The following ZNF804B variants were observed in gnomAD, a reference collection of about 807,000 sequenced individuals.
ZNF804B encodes zinc finger 804B.
ZNF804B carries 80 observed loss-of-function variants against 101.4 expected under a neutral mutation model. The ratio of observed to expected loss-of-function variants is 0.79; its 90% CI spans 0.66 to 0.95. ZNF804B has a LOEUF of 0.95. Among genes scored for constraint, ZNF804B ranks in the 40% least tolerant of loss-of-function variants. The probability of loss-of-function intolerance (pLI) is 0.00; values close to 1 mark genes in which losing one functional copy is unlikely to be tolerated. For missense variants in ZNF804B, 1,673 were observed against 1,561.9 expected (o/e 1.07, Z -1.20); for synonymous variants, 622 against 558.8 (o/e 1.11, Z -1.59).
intron 2 of ZNF804B, among the ~76,000 whole-genome samples, chr7:89,289,598 T>C (rs1790255764): frequency 6.6e-6 from 1 of 152,086 alleles, no homozygotes; most frequent in South Asian, 2.1e-4. Flanking sequence ...AGTGCTGCCC[T>C]GTCATAGCAA....
chr7:88,833,831 G>C (rs1163147009), intron 1 of ZNF804B, among the ~76,000 whole-genome samples: 1 of 151,726 alleles, frequency 6.6e-6, no homozygotes. Context: ...ATCAAGGCTA[G>C]GTCCAAATTT....
chr7:88,988,797 G>A (rs953408338), intron 1 of ZNF804B, among the ~76,000 whole-genome samples: 3 of 152,056 alleles, frequency 2.0e-5, no homozygotes, highest in African/African-American at 7.2e-5. Context: ...TAAGACTAAA[G>A]GAAACTTGGA....
At chr7:89,331,610 A>C (rs1790983678) in intron 3 of ZNF804B, among the ~76,000 whole-genome samples, 1 of 151,718 alleles carries the variant, frequency 6.6e-6, no homozygotes, top group South Asian at 2.1e-4. Flanking sequence ...CATGAAGAGG[A>C]GACGTTCTAA....
At chr7:88,992,922 G>T (rs1447757835) in intron 1 of ZNF804B, among the ~76,000 whole-genome samples, 1 of 151,708 alleles carries the variant, frequency 6.6e-6, no homozygotes, top group Admixed American at 6.6e-5. Flanking sequence ...TTATTCTAGT[G>T]ATAAAATTGA....
At chr7:89,051,956 A>G (rs575717950) in intron 1 of ZNF804B, among the ~76,000 whole-genome samples, 110 of 152,214 alleles carry the variant, frequency 7.2e-4, no homozygotes, top group Non-Finnish European at 1.4e-3. Flanking sequence ...CTATTAATAT[A>G]TACACATTTT....
intron 1 of ZNF804B, among the ~76,000 whole-genome samples, chr7:88,887,528 A>G (rs931598803): frequency 3.3e-5 from 5 of 152,122 alleles, no homozygotes; most frequent in Non-Finnish European, 5.9e-5. Context: ...TTGAACAGGG[A>G]GTCTTTTCCC....
intron 1 of ZNF804B, among the ~76,000 whole-genome samples, chr7:88,952,584 A>G (rs745912584): frequency 1.3e-5 from 2 of 151,926 alleles, no homozygotes; most frequent in Admixed American, 6.6e-5. Context: ...AATGCAGGTT[A>G]CAGAAGGGGA....
chr7:88,984,621 G>A (rs1437143329), intron 1 of ZNF804B, among the ~76,000 whole-genome samples: 2 of 152,026 alleles, frequency 1.3e-5, no homozygotes, highest in Non-Finnish European at 2.9e-5. Flanking sequence ...ATAGTGCAGT[G>A]CAATAGGGAG....
chr7:89,150,865 A>G (rs898161495), intron 1 of ZNF804B, among the ~76,000 whole-genome samples: 1 of 152,054 alleles, frequency 6.6e-6, no homozygotes, highest in African/African-American at 2.4e-5. Context: ...TGGTATACAG[A>G]TATTGTGAGG....
intron 1 of ZNF804B, among the ~76,000 whole-genome samples, chr7:88,910,536 A>C (rs903230711): frequency 2.6e-5 from 4 of 152,066 alleles, no homozygotes; most frequent in African/African-American, 9.6e-5. Flanking sequence ...ATGAAAAATT[A>C]ATTCTCTAGA....
rs546837871 is a variant in ZNF804B, at chr7:88,991,325, G to A, written c.109-226830G>A. On this transcript the variant is annotated intron_variant, in intron 1 of 3. Coordinates refer to ENST00000333190, the MANE Select transcript of ZNF804B (RefSeq NM_181646.5). The stretch of plus-strand genomic sequence containing the variant: ...CATTATGAAGGTACAAGCCTGCAAT[G>A]TGAACATAGCCCGTCAGGTTGTGGT... Among the ~76,000 whole-genome samples, 27 of 152,272 alleles carry A rather than the reference G, an allele frequency of 1.8e-4. No individual in the cohort carries two copies. In the South Asian group the frequency reaches 5.4e-3, roughly 30 times the overall value.
rs73395206 is a variant in ZNF804B, at chr7:89,141,729, T to C, written c.109-76426T>C. 5.9e-3 allele frequency among the ~76,000 whole-genome samples: 891 copies of C among 152,098 alleles called. 9 individuals are homozygous for C. Among genetic ancestry groups the C allele is most frequent in the African/African-American group, 0.02 (837 of 41,548 alleles). On this transcript the variant is annotated intron_variant, in intron 1 of 3. Transcript: ENST00000333190. Reference sequence around the variant, plus strand: ...CCACATCTTGCCAACACTCATCTTCTGTTTTTCTCTTTTTAAGTAAAGAAT... The same window carrying C: ...CCACATCTTGCCAACACTCATCTTCCGTTTTTCTCTTTTTAAGTAAAGAAT...
intron 1 of ZNF804B, among the ~76,000 whole-genome samples, chr7:88,843,578 A>C (rs530299808): frequency 3.3e-5 from 5 of 152,222 alleles, no homozygotes; most frequent in African/African-American, 1.2e-4. Context: ...TCTACTAAAA[A>C]TACAAAAAAT....
At chr7:88,773,026 G>C (rs1437352284) in intron 1 of ZNF804B, among the ~76,000 whole-genome samples, 1 of 152,190 alleles carries the variant, frequency 6.6e-6, no homozygotes, top group Non-Finnish European at 1.5e-5. Context: ...GGAAGCAGCT[G>C]CTGTTTCTAA....
chr7:89,336,223 A>G lies in ZNF804B; in HGVS notation c.3241A>G (p.Lys1081Glu), dbSNP rs1203605539. The change falls in exon 4 of 4, where the codon AAA (lysine) becomes GAA (glutamate). Residue 1081 changes from lysine to glutamate, a missense_variant. By Grantham distance (56) the Lys-to-Glu change is moderately conservative. Transcript: ENST00000333190. ...NEFPGAFPSN[K>E]YTGVTDSTET... ...ATTCCCTGGTGCTTTTCCGTCTAAT[A>G]AATATACTGGTGTGACTGATTCAAC... 6.2e-7 allele frequency: 1 copy of G among 1,613,754 alleles called. No homozygotes were observed. The highest frequency in any genetic ancestry group is 8.5e-7 in the Non-Finnish European group (1 of 1,179,968).
chr7:89,007,225 A>G (rs1788379538), intron 1 of ZNF804B, among the ~76,000 whole-genome samples: 1 of 151,748 alleles, frequency 6.6e-6, no homozygotes, highest in East Asian at 1.9e-4. Context: ...ATCTCTTACT[A>G]CCTACGCTAA....
chr7:88,856,219 T>C (rs1230854582), intron 1 of ZNF804B, among the ~76,000 whole-genome samples: 1 of 152,230 alleles, frequency 6.6e-6, no homozygotes, highest in Non-Finnish European at 1.5e-5. Context: ...TTCACGATAT[T>C]GATTCTTCCT....
chr7:88,768,465 C>G (rs1195694033), intron 1 of ZNF804B, among the ~76,000 whole-genome samples: 1 of 152,164 alleles, frequency 6.6e-6, no homozygotes, highest in Admixed American at 6.5e-5. Context: ...CGCCTTTAAT[C>G]CTAGCACTTT....
In ZNF804B at chr7:88,783,329, T is replaced by C. The variant is rs1236412613; in HGVS notation, c.108+23245T>C. 4.3e-4 allele frequency among the ~76,000 whole-genome samples: 65 copies of C among 152,090 alleles called. 1 individual carries two copies. Among genetic ancestry groups the C allele is most frequent in the Non-Finnish European group, 5.9e-5 (4 of 68,016 alleles). ...TAAGGCAGTAGAAGTGTAGTCCTGA[T>C]TTCAAGGGGAGAATGAGAAAGATGG... On this transcript the variant is annotated intron_variant, in intron 1 of 3. Coordinates refer to ENST00000333190, the MANE Select transcript of ZNF804B (RefSeq NM_181646.5).
Sources: allele counts gnomAD v4.1 joint callset (sites outside exome capture counted in the v4.1 genomes callset), GRCh38; gene constraint gnomAD v4.1.1; transcripts MANE v1.5; gene names NCBI Gene and HGNC (gene_info 2026-07-23, HGNC 2026-07-21).